The following SLC44A5 variants were observed in gnomAD, a reference collection of about 807,000 sequenced individuals.
The protein encoded by SLC44A5 is choline transporter-like protein 5.
Under a neutral mutation model 101.8 loss-of-function variants are expected in SLC44A5, and 57 were observed. The observed-to-expected ratio is 0.56, with a 90% CI of 0.45 to 0.70. The LOEUF is 0.70. SLC44A5 is among the 30% of genes least tolerant of loss of function. The pLI is 0.00. For synonymous variants in SLC44A5, 281 were observed against 290.9 expected, an observed-to-expected ratio of 0.97 and a Z score of 0.35; for missense variants, 737 against 853.1, an observed-to-expected ratio of 0.86 and a Z score of 1.70.
chr1:75,527,901 C>T (rs1319917461), intron 2 of SLC44A5, among the ~76,000 whole-genome samples: 1 of 152,156 alleles, frequency 6.6e-6, no homozygotes, highest in Admixed American at 6.5e-5. Context: ...TCCCCCTTTG[C>T]TCTTTCTGTC....
the SLC44A5 span, among the ~76,000 whole-genome samples, chr1:75,720,966 T>C: frequency 2.6e-4 from 39 of 151,984 alleles, no homozygotes; most frequent in African/African-American, 8.7e-4. Context: ...AGAAAGGAAA[T>C]GTCTGGGTTA....
At chr1:75,628,282 G>A in the SLC44A5 span, among the ~76,000 whole-genome samples, 12 of 152,150 alleles carry the variant, frequency 7.9e-5, no homozygotes, top group South Asian at 2.5e-3. Context: ...TCTGCAAATT[G>A]ATTTCACATA....
intron 2 of SLC44A5, among the ~76,000 whole-genome samples, chr1:75,408,177 T>C (rs1663029132): frequency 6.6e-6 from 1 of 152,124 alleles, no homozygotes; most frequent in Non-Finnish European, 1.5e-5. Context: ...CATTTCACAC[T>C]GGATAGAATG....
chr1:75,647,156 G>C, the SLC44A5 span, among the ~76,000 whole-genome samples: 1 of 152,292 alleles, frequency 6.6e-6, no homozygotes, highest in South Asian at 2.1e-4. Context: ...TTGGGACTTG[G>C]TGCCCTGCAT....
chr1:75,659,492 G>GGAAGGAAA, the SLC44A5 span, among the ~76,000 whole-genome samples: 1 of 46,034 alleles, frequency 2.2e-5, no homozygotes, highest in Admixed American at 2.3e-4. Context: ...AAGGAAGGAA[G>GGAAGGAAA]GCAGGCAGGC....
At chr1:75,622,907 C>A in the SLC44A5 span, among the ~76,000 whole-genome samples, 1 of 152,160 alleles carries the variant, frequency 6.6e-6, no homozygotes, top group Non-Finnish European at 1.5e-5. Context: ...ATGAGTGAAT[C>A]ATTTGCATAA....
Position 75,562,991 on chromosome 1 carries a change from T to C in SLC44A5, c.-69-21475A>G, listed in dbSNP as rs78015186. On this transcript the variant is annotated intron_variant, in intron 1 of 23. Coordinates refer to ENST00000370859, the MANE Select transcript of SLC44A5 (RefSeq NM_001130058.2). ...TGGTCTGCTTGAGGTTAGTTTGTGT[T>C]TCTTTCAGCTACTGAAATGTTTCTT... Among the ~76,000 whole-genome samples, 1,351 of 152,320 alleles carry C rather than the reference T, an allele frequency of 8.9e-3. 9 individuals are homozygous for C. The highest frequency in any genetic ancestry group is 0.014 in the Non-Finnish European group (972 of 68,012).
chr1:75,451,308 A>G (rs1665894895), intron 2 of SLC44A5, among the ~76,000 whole-genome samples: 1 of 152,154 alleles, frequency 6.6e-6, no homozygotes, highest in African/African-American at 2.4e-5. Flanking sequence ...AAGTACCCAG[A>G]CATGTTAGCC....
At chr1:75,623,712 A>G in the SLC44A5 span, among the ~76,000 whole-genome samples, 12 of 152,216 alleles carry the variant, frequency 7.9e-5, no homozygotes, top group East Asian at 2.3e-3. Flanking sequence ...GAAATGGTAT[A>G]ATATAATTTA....
intron 3 of SLC44A5, among the ~76,000 whole-genome samples, chr1:75,387,205 C>T (rs1661422991): frequency 6.6e-6 from 1 of 152,134 alleles, no homozygotes; most frequent in Non-Finnish European, 1.5e-5. Flanking sequence ...CCAAAATTGA[C>T]AAATGGGATC....
At chr1:75,526,645 G>A (rs1670423217) in intron 2 of SLC44A5, among the ~76,000 whole-genome samples, 2 of 152,168 alleles carry the variant, frequency 1.3e-5, no homozygotes, top group Non-Finnish European at 2.9e-5. Flanking sequence ...TTTCTGAGAG[G>A]CTAACAGGAA....
chr1:75,257,405 C>T (rs1026140983), intron 6 of SLC44A5, among the ~76,000 whole-genome samples: 4 of 152,154 alleles, frequency 2.6e-5, no homozygotes, highest in African/African-American at 9.7e-5. Flanking sequence ...TAGATAATCA[C>T]ACTTTGAATA....
intron 5 of SLC44A5, among the ~76,000 whole-genome samples, chr1:75,294,254 A>C (rs566737042): frequency 6.6e-6 from 1 of 152,314 alleles, no homozygotes; most frequent in African/African-American, 2.4e-5. Context: ...TATTGTGGTC[A>C]CACCACCAAG....
upstream of SLC44A5, among the ~76,000 whole-genome samples, chr1:75,611,823 C>T (rs572255103): frequency 2.6e-5 from 4 of 152,064 alleles, no homozygotes; most frequent in South Asian, 4.2e-4. Flanking sequence ...TCTCATGTCC[C>T]CTTCCAAACA....
intron 4 of SLC44A5, among the ~76,000 whole-genome samples, chr1:75,308,925 T>C (rs573252369): frequency 6.6e-6 from 1 of 152,300 alleles, no homozygotes; most frequent in Non-Finnish European, 1.5e-5. Flanking sequence ...GAGATTACTA[T>C]TTGTCACCTC....
At chr1:75,486,803 G>T (rs1038426892) in intron 2 of SLC44A5, among the ~76,000 whole-genome samples, 1 of 152,040 alleles carries the variant, frequency 6.6e-6, no homozygotes, top group African/African-American at 2.4e-5. Flanking sequence ...ATAGAAAAAA[G>T]CTTTCATTTT....
upstream of SLC44A5, among the ~76,000 whole-genome samples, chr1:75,612,211 G>A (rs141382388): frequency 2.0e-5 from 3 of 152,266 alleles, no homozygotes; most frequent in East Asian, 5.8e-4. Flanking sequence ...GGCCTAGGGA[G>A]TTGATGTAGG....
chr1:75,677,659 A>G, the SLC44A5 span: 4 of 399,590 alleles, frequency 1.0e-5, no homozygotes, highest in African/African-American at 4.5e-5. Context: ...AGTGGAACAA[A>G]CTCTCCAATA....
At chr1:75,685,048 G>T in the SLC44A5 span, among the ~76,000 whole-genome samples, 1 of 152,162 alleles carries the variant, frequency 6.6e-6, no homozygotes, top group African/African-American at 2.4e-5. Flanking sequence ...CAACTTCTGT[G>T]CACTGGCAGG....
Sources: gnomAD v4.1 joint callset for allele counts (sites outside exome capture counted in the v4.1 genomes callset) on GRCh38, gnomAD v4.1.1 for gene constraint, MANE v1.5 for transcripts, NCBI Gene and HGNC (gene_info 2026-07-23, HGNC 2026-07-21) for gene names.